Variants in IL23R observed in about 807,000 individuals in gnomAD.
IL23R encodes the protein interleukin-23 receptor.
In IL23R, 34 loss-of-function variants were observed where a neutral mutation model predicts 56.9. That is an observed-to-expected ratio of 0.60 (90% CI 0.45 to 0.80). IL23R has a LOEUF of 0.80. IL23R is among the 30% of genes least tolerant of loss of function. The pLI is 0.00. For synonymous variants in IL23R, 230 were observed against 249.2 expected, an observed-to-expected ratio of 0.92 and a Z score of 0.73; for missense variants, 635 against 730.0, an observed-to-expected ratio of 0.87 and a Z score of 1.50.
chr1:67,207,063 C>T lies in IL23R; in HGVS notation c.798+8C>T. On this transcript the variant is annotated splice_region_variant and intron_variant, in intron 6 of 10. Transcript: ENST00000347310. ...ACAAACCAAACTTGGAATGTAAGCTCAACTTTCATTATGCTTTAGCATGTG... is the reference window on the plus strand; with the variant it reads ...ACAAACCAAACTTGGAATGTAAGCTTAACTTTCATTATGCTTTAGCATGTG... 6.2e-7 allele frequency: 1 copy of T among 1,613,448 alleles called. No homozygotes were observed. The highest frequency in any genetic ancestry group is 8.5e-7 in the Non-Finnish European group (1 of 1,179,506).
chr1:67,228,265 C>T (rs1650866746), intron 7 of IL23R, among the ~76,000 whole-genome samples: 1 of 148,652 alleles, frequency 6.7e-6, no homozygotes, highest in East Asian at 2.0e-4. Flanking sequence ...GTGATCTCAG[C>T]TCATAAGATC....
chr1:67,188,946 G>T (rs184664518), intron 4 of IL23R, among the ~76,000 whole-genome samples: 1 of 152,078 alleles, frequency 6.6e-6, no homozygotes, highest in East Asian at 1.9e-4. Context: ...TATAGCAAAG[G>T]ATATTATAAT....
intron 9 of IL23R, among the ~76,000 whole-genome samples, chr1:67,244,664 G>T (rs535463040): frequency 8.2e-4 from 124 of 152,130 alleles, no homozygotes; most frequent in African/African-American, 2.9e-3. Flanking sequence ...CTGTTCCATT[G>T]GTCTATATAT....
At chr1:67,201,565 A>AC (rs766721035) in intron 5 of IL23R, among the ~76,000 whole-genome samples, 1 of 151,506 alleles carries the variant, frequency 6.6e-6, no homozygotes, top group African/African-American at 2.4e-5. Context: ...AAAAAAAAAA[A>AC]CAAAAAAACA....
intron 7 of IL23R, among the ~76,000 whole-genome samples, chr1:67,226,135 G>A (rs1052829372): frequency 2.6e-5 from 4 of 152,218 alleles, no homozygotes; most frequent in Admixed American, 2.6e-4. Flanking sequence ...GCTGGGGTGA[G>A]CACCTTGGGG....
chr1:67,205,979 C>A (rs1445483088), intron 5 of IL23R, among the ~76,000 whole-genome samples: 2 of 129,936 alleles, frequency 1.5e-5, no homozygotes, highest in African/African-American at 5.5e-5. Context: ...CTCTTTCTGT[C>A]TCTTCCTTTC....
chr1:67,181,243 C>T (rs1647137256), intron 3 of IL23R, among the ~76,000 whole-genome samples: 1 of 152,182 alleles, frequency 6.6e-6, no homozygotes, highest in Non-Finnish European at 1.5e-5. Context: ...AGCTTGGTTC[C>T]ATTCTCCCTG....
chr1:67,220,181 C>A (rs901051735), intron 7 of IL23R, among the ~76,000 whole-genome samples: 1 of 151,834 alleles, frequency 6.6e-6, no homozygotes, highest in African/African-American at 2.4e-5. Flanking sequence ...CCTCCTCGGC[C>A]GACATGGTGA....
chr1:67,164,840 A>G (rs1405004927), upstream of IL23R, among the ~76,000 whole-genome samples: 1 of 151,926 alleles, frequency 6.6e-6, no homozygotes. Context: ...TTTTTTTTCA[A>G]GGAAGACGGA....
intron 9 of IL23R, among the ~76,000 whole-genome samples, chr1:67,240,627 G>A (rs1175707098): frequency 6.6e-6 from 1 of 152,120 alleles, no homozygotes; most frequent in Non-Finnish European, 1.5e-5. Flanking sequence ...TTTACTACAC[G>A]GCGTTTTCCA....
upstream of IL23R, among the ~76,000 whole-genome samples, chr1:67,162,836 G>A (rs1000567772): frequency 6.6e-6 from 1 of 152,186 alleles, no homozygotes; most frequent in African/African-American, 2.4e-5. Flanking sequence ...TTTAGAGAAT[G>A]ATTACTGTGA....
At chr1:67,226,156 A>T (rs1323662795) in intron 7 of IL23R, among the ~76,000 whole-genome samples, 1 of 152,324 alleles carries the variant, frequency 6.6e-6, no homozygotes. Context: ...CTCCAGCCCC[A>T]CAGTAGCATC....
chr1:67,220,856 A>G (rs1175953228), intron 7 of IL23R, among the ~76,000 whole-genome samples: 2 of 152,300 alleles, frequency 1.3e-5, no homozygotes, highest in Non-Finnish European at 2.9e-5. Flanking sequence ...CTCCTGCCTC[A>G]GCCTCCCAAG....
At chr1:67,241,127 T>C (rs1651824123) in intron 9 of IL23R, among the ~76,000 whole-genome samples, 1 of 151,948 alleles carries the variant, frequency 6.6e-6, no homozygotes, top group Admixed American at 6.6e-5. Context: ...TTTGCTTTAA[T>C]AATTCCCCCC....
chr1:67,212,326 C>T (rs1649532638), intron 6 of IL23R, among the ~76,000 whole-genome samples: 1 of 152,182 alleles, frequency 6.6e-6, no homozygotes, highest in Admixed American at 6.5e-5. Context: ...GTTGTCTCTG[C>T]ATGTCTGTAG....
upstream of IL23R, among the ~76,000 whole-genome samples, chr1:67,162,643 T>C (rs1646832826): frequency 6.6e-6 from 1 of 152,202 alleles, no homozygotes; most frequent in South Asian, 2.1e-4. Flanking sequence ...GCTTCACATA[T>C]ATCTATATGA....
intron 1 of IL23R, among the ~76,000 whole-genome samples, chr1:67,155,528 A>T (rs1646764113): frequency 6.6e-6 from 1 of 151,892 alleles, no homozygotes; most frequent in East Asian, 1.9e-4. Flanking sequence ...TGTGTGTCTT[A>T]TTTCAGCAAG....
At chr1:67,233,699 C>A (rs904901113) in intron 7 of IL23R, among the ~76,000 whole-genome samples, 2 of 152,074 alleles carry the variant, frequency 1.3e-5, no homozygotes, top group Non-Finnish European at 2.9e-5. Flanking sequence ...TATAAAAATT[C>A]TTCCCAAATT....
chr1:67,200,626 C>G lies in IL23R; in HGVS notation c.492-111C>G, dbSNP rs970624998. On this transcript the variant is annotated intron_variant, in intron 4 of 10. Coordinates refer to ENST00000347310, the MANE Select transcript of IL23R (RefSeq NM_144701.3). Reference sequence around the variant, plus strand: ...TCTCGAACTCCTGACCTCAGGTGATCCAACCCGCTTGGTCTCCCAAAATGC... The same window carrying G: ...TCTCGAACTCCTGACCTCAGGTGATGCAACCCGCTTGGTCTCCCAAAATGC... 1.3e-5 allele frequency: 13 copies of G among 1,027,692 alleles called. No individual in the cohort carries two copies. The African/African-American group carries it at 1.6e-4, about 13-fold the overall frequency. 63.7% of individuals were successfully genotyped at this position (1,027,692 alleles called of 1,614,324 possible).
Sources: allele counts gnomAD v4.1 joint callset (sites outside exome capture counted in the v4.1 genomes callset), GRCh38; gene constraint gnomAD v4.1.1; transcripts MANE v1.5; gene names NCBI Gene and HGNC (gene_info 2026-07-23, HGNC 2026-07-21).